Variants in DDB1 observed in about 807,000 individuals in gnomAD.
The protein encoded by DDB1 is damage specific DNA binding protein 1, also known as DNA damage-binding protein 1.
Under a neutral mutation model 133.1 loss-of-function variants are expected in DDB1, and 18 were observed. That is an observed-to-expected ratio of 0.14 (90% CI 0.09 to 0.20). The LOEUF (loss-of-function observed/expected upper bound fraction) is 0.20, where lower values mean the gene tolerates loss of function less well. DDB1 is among the 10% of genes least tolerant of loss of function. The probability of loss-of-function intolerance (pLI) is 1.00; values close to 1 mark genes in which losing one functional copy is unlikely to be tolerated. For missense variants in DDB1, 828 were observed against 1,459.2 expected (o/e 0.57, Z 7.05); for synonymous variants, 580 against 550.5 (o/e 1.05, Z -0.75).
chr11:61,312,112 G>A (rs2134908785), intron 16 of DDB1, 28 bp from the exon 17 acceptor site: 3 of 1,607,742 alleles, frequency 1.9e-6, no homozygotes, highest in Middle Eastern at 1.7e-4. Flanking sequence ...GGTTTAGACT[G>A]AGGAGACTCA....
In DDB1 at chr11:61,326,850, C is replaced by A. The variant is rs748809784; in HGVS notation, c.593G>T (p.Arg198Leu). 1.2e-6 allele frequency: 2 copies of A among 1,614,090 alleles called. No homozygotes were observed. Among genetic ancestry groups the A allele is most frequent in the East Asian group, 4.5e-5 (2 of 44,880 alleles). ...AGGGCCCTTATTGAATTCCTTTTCT[C>A]GGAGAGACACCTCATAGGTTTTTAC... Reference protein sequence around the residue: ...RHVKTYEVSLREKEFNKGPWK... With the variant: ...RHVKTYEVSLLEKEFNKGPWK... Residue 198 changes from arginine (R) to leucine (L), a missense_variant, in exon 5 of 27, where the codon CGA becomes CTA. Arg to Leu is a moderately radical substitution (Grantham distance 102). This residue lies in a region of DDB1 where 210 missense variants were observed against 344.8 expected (regional missense o/e 0.61). Coordinates refer to ENST00000301764, the MANE Select transcript of DDB1 (RefSeq NM_001923.5).
At chr11:61,310,032 T>C (rs904344701) in intron 19 of DDB1, 72 bp from the exon 20 acceptor site, 15 of 1,597,690 alleles carry the variant, frequency 9.4e-6, no homozygotes, top group African/African-American at 4.0e-5. Context: ...CCCGTATTTC[T>C]GAGGCCTGTG....
intron 18 of DDB1, chr11:61,311,455 C>A (rs1298226787): frequency 8.0e-5 from 19 of 238,760 alleles, no homozygotes; most frequent in South Asian, 1.4e-4. Context: ...AAAAAAAAAA[C>A]AAACAAACAA....
At chr11:61,305,042 C>T (rs1019079798) in intron 21 of DDB1, among the ~76,000 whole-genome samples, 3 of 152,200 alleles carry the variant, frequency 2.0e-5, no homozygotes, top group East Asian at 1.9e-4. Flanking sequence ...AGACTCAACC[C>T]ATCTGAACTG....
intron 15 of DDB1, 29 bp from the exon 16 acceptor site, chr11:61,313,735 GAAGA>G: frequency 3.8e-6 from 6 of 1,585,136 alleles, no homozygotes; most frequent in Non-Finnish European, 4.3e-6. Context: ...CAGGAGAAAG[GAAGA>G]AAGAAAACAG....
chr11:61,310,007 G>A, intron 19 of DDB1, 47 bp from the exon 20 acceptor site: 1 of 1,611,418 alleles, frequency 6.2e-7, no homozygotes, highest in East Asian at 2.2e-5. Context: ...ACCCATATCT[G>A]CACGCACACA....
chr11:61,308,744 C>T (rs1424101438), intron 21 of DDB1, among the ~76,000 whole-genome samples: 1 of 152,174 alleles, frequency 6.6e-6, no homozygotes, highest in Non-Finnish European at 1.5e-5. Flanking sequence ...AGGTCTCACT[C>T]GTTTCTCAAG....
Position 61,302,675 on chromosome 11 carries a change from A to G in DDB1, c.3019T>C (p.Phe1007Leu). The change falls in exon 24 of 27, where the codon TTT (phenylalanine) becomes CTT (leucine). Residue 1007 changes from phenylalanine to leucine, a missense_variant. Around this residue, in one of 7 missense-constraint regions of DDB1, gnomAD observed 116 missense variants for 221.6 expected, o/e 0.52. Transcript: ENST00000301764. ...LFHLGEFVNV[F>L]CHGSLVMQNL... is the part of the protein sequence containing the mutation. ...TGCATTACCAGAGAGCCGTGGCAAA[A>G]GACATTGACAAACTCGCCCAGGTGG... 1.9e-6 allele frequency: 3 copies of G among 1,614,200 alleles called. No individual in the cohort carries two copies. Among genetic ancestry groups the G allele is most frequent in the Non-Finnish European group, 2.5e-6 (3 of 1,180,036 alleles).
At chr11:61,331,177 T>C (rs1420539196) in intron 2 of DDB1, among the ~76,000 whole-genome samples, 1 of 152,190 alleles carries the variant, frequency 6.6e-6, no homozygotes, top group East Asian at 1.9e-4. Context: ...GTCAACTTCA[T>C]AAATGTTTCC....
intron 16 of DDB1, among the ~76,000 whole-genome samples, chr11:61,312,508 T>C (rs960101829): frequency 9.3e-5 from 13 of 140,256 alleles, no homozygotes; most frequent in South Asian, 7.1e-4. Context: ...CTCTCTCTCT[T>C]TTTTTTTTTT....
At chr11:61,307,490 C>T (rs1247824952) in intron 21 of DDB1, among the ~76,000 whole-genome samples, 6 of 152,214 alleles carry the variant, frequency 3.9e-5, no homozygotes, top group African/African-American at 1.4e-4. Flanking sequence ...CGGTTCTCCT[C>T]CTACTTCACA....
Position 61,310,277 on chromosome 11 carries a change from G to T in DDB1, c.2401+18C>A. 1.3e-6 allele frequency: 2 copies of T among 1,599,446 alleles called. No homozygotes were observed. The highest frequency in any genetic ancestry group is 1.7e-6 in the Non-Finnish European group (2 of 1,174,392). On this transcript the variant is annotated intron_variant, in intron 19 of 26. Coordinates refer to ENST00000301764, the MANE Select transcript of DDB1 (RefSeq NM_001923.5). The stretch of plus-strand genomic sequence containing the variant: ...AGGGAGGGCGTAGATAAAAATTATC[G>T]AAAGAGCTCATGTGCACCTTCAAAG...
chr11:61,322,713 G>A (rs745533795), intron 8 of DDB1: 8 of 537,156 alleles, frequency 1.5e-5, no homozygotes, highest in Non-Finnish European at 2.6e-5. Flanking sequence ...AAGGTCCGAA[G>A]TTTTCATATT....
chr11:61,300,832 G>C lies in DDB1; in HGVS notation c.3316C>G (p.Gln1106Glu). Residue 1106 changes from glutamine to glutamate, a missense_variant, in exon 26 of 27, where the codon CAG becomes GAG. Around this residue, in one of 7 missense-constraint regions of DDB1, gnomAD observed 116 missense variants for 221.6 expected, o/e 0.52. Coordinates refer to ENST00000301764, the MANE Select transcript of DDB1 (RefSeq NM_001923.5). ...ACCTGTAGGTTTGCCACCACCTCCT[G>C]CATCTTGGGGCGGCTAATATCCAGG... is the stretch of plus-strand genomic sequence containing the variant. ...SFLDISRPKM[Q>E]EVVANLQYDD... 1.9e-6 allele frequency: 3 copies of C among 1,614,210 alleles called. No individual in the cohort carries two copies. The highest frequency in any genetic ancestry group is 1.6e-4 in the Middle Eastern group (1 of 6,062).
At chr11:61,317,166 T>TGCAGTGGCCCGATCTCAGCTCACTGCAA (rs1856101870) in intron 10 of DDB1, among the ~76,000 whole-genome samples, 1 of 151,464 alleles carries the variant, frequency 6.6e-6, no homozygotes, top group African/African-American at 2.4e-5. Flanking sequence ...CAGGCTGGAG[T>TGCAGTGGCCCGATCTCAGCTCACTGCAA]GCAGTGGCCC....
chr11:61,316,428 A>G (rs1402199351), intron 11 of DDB1, 35 bp from the exon 12 acceptor site: 1 of 1,613,462 alleles, frequency 6.2e-7, no homozygotes, highest in African/African-American at 1.3e-5. Context: ...TCAGCCTGGG[A>G]CCAGCTTCCC....
In DDB1 at chr11:61,320,175, T is replaced by C. The variant is rs184152710; in HGVS notation, c.1225+1420A>G. On this transcript the variant is annotated intron_variant, in intron 10 of 26. Transcript: ENST00000301764. ...TTTGTAGTTATATGATCTCTTCCTT[T>C]GCAATTTCATATACTTCTCTTTTCT... 2.6e-5 allele frequency among the ~76,000 whole-genome samples: 4 copies of C among 152,218 alleles called. No individual in the cohort carries two copies. The East Asian group carries it at 7.7e-4, about 29-fold the overall frequency.
At chr11:61,301,777 A>G (rs1037347529) in intron 25 of DDB1, 1 of 153,158 alleles carries the variant, frequency 6.5e-6, no homozygotes, top group African/African-American at 2.4e-5. Context: ...GGCCCTTTAT[A>G]TCTCCTGTAC....
chr11:61,310,353 G>A lies in DDB1; in HGVS notation c.2343C>T (p.Ser781=), dbSNP rs767220802. 6.2e-7 allele frequency: 1 copy of A among 1,613,198 alleles called. No individual in the cohort carries two copies. The highest frequency in any genetic ancestry group is 1.1e-5 in the South Asian group (1 of 91,002). The part of the protein sequence containing the change: ...FSSSTAPHET[S]FGEEVEVHNL... Reference sequence around the variant, plus strand: ...TGTGCACCTCCACCTCTTCTCCAAAGGAGGTCTCATGAGGAGCAGTGCTGC... The same window carrying A: ...TGTGCACCTCCACCTCTTCTCCAAAAGAGGTCTCATGAGGAGCAGTGCTGC... The change falls in exon 19 of 27, where the codon TCC becomes TCT. Residue 781 remains serine (S), a synonymous_variant. Coordinates refer to ENST00000301764, the MANE Select transcript of DDB1 (RefSeq NM_001923.5).
Sources: allele counts gnomAD v4.1 joint callset (sites outside exome capture counted in the v4.1 genomes callset), GRCh38; gene constraint gnomAD v4.1.1; regional missense constraint gnomAD v4.1.1; transcripts MANE v1.5; gene names NCBI Gene and HGNC (gene_info 2026-07-23, HGNC 2026-07-21).